NHEJ1: variants seen among roughly 807,000 people sequenced by gnomAD.
NHEJ1 encodes the protein non-homologous end joining factor 1.
Under a neutral mutation model 39.4 loss-of-function variants are expected in NHEJ1, and 22 were observed. That is an observed-to-expected ratio of 0.56 (90% CI 0.40 to 0.80). The LOEUF (loss-of-function observed/expected upper bound fraction) is 0.80. Among genes scored for constraint, NHEJ1 ranks in the 30% least tolerant of loss-of-function variants. The pLI, the probability that NHEJ1 is intolerant of heterozygous loss-of-function variation, is 0.00. For missense variants in NHEJ1, 329 were observed against 357.1 expected, an observed-to-expected ratio of 0.92 and a Z score of 0.63; for synonymous variants, 154 against 135.6, an observed-to-expected ratio of 1.14 and a Z score of -0.94.
rs1261240527 is a variant in NHEJ1, at chr2:219,071,519, G to C, written c.*4862C>G. ...GAGCTGGGATGGGCTTCCCCTTCCA[G>C]CTGCCAATATGAAAAAGTAAATACA... On this transcript the variant is annotated 3_prime_UTR_variant, in exon 8 of 8. Transcript: ENST00000356853. 6.6e-6 allele frequency among the ~76,000 whole-genome samples: 1 copy of C among 152,174 alleles called. No homozygotes were observed. Among genetic ancestry groups the C allele is most frequent in the Non-Finnish European group, 1.5e-5 (1 of 68,024 alleles).
At chr2:219,091,834 TGAAGTATGTGTGTATATAA>T (rs1199946278) in intron 5 of NHEJ1, among the ~76,000 whole-genome samples, 1 of 44,252 alleles carries the variant, frequency 2.3e-5, no homozygotes, top group Non-Finnish European at 5.7e-5. Context: ...TGTGTATATA[TGAAGTATGTGTGTATATAA>T]AATTAATGAA....
chr2:219,114,962 A>C (rs1403537791), intron 5 of NHEJ1, among the ~76,000 whole-genome samples: 1 of 151,752 alleles, frequency 6.6e-6, no homozygotes. Context: ...AACACACAAA[A>C]CTCCTTTGAC....
At chr2:219,120,022 C>T (rs141408454) in intron 5 of NHEJ1, among the ~76,000 whole-genome samples, 4 of 152,126 alleles carry the variant, frequency 2.6e-5, no homozygotes, top group Admixed American at 6.5e-5. Context: ...CACAGAAATT[C>T]GAATTTAGCA....
intron 5 of NHEJ1, among the ~76,000 whole-genome samples, chr2:219,081,283 G>T (rs1014250177): frequency 6.6e-6 from 1 of 152,126 alleles, no homozygotes; most frequent in Non-Finnish European, 1.5e-5. Context: ...TAGCTCCTGG[G>T]GCAGGACAAT....
intron 5 of NHEJ1, 141 bp from the exon 6 acceptor site, chr2:219,078,347 G>A: frequency 2.7e-6 from 2 of 739,952 alleles, no homozygotes; most frequent in Non-Finnish European, 2.4e-6. Flanking sequence ...CCATATCCAA[G>A]CCTGGTGGCA....
intron 1 of NHEJ1, chr2:219,159,021 G>C (rs776164804): frequency 6.5e-6 from 1 of 153,086 alleles, no homozygotes; most frequent in Non-Finnish European, 1.5e-5. Context: ...CTCAGGGATC[G>C]ATGACACAAA....
chr2:219,102,800 T>C (rs1454028626), intron 5 of NHEJ1: 1 of 151,486 alleles, frequency 6.6e-6, no homozygotes, highest in African/African-American at 2.4e-5. Flanking sequence ...GGTCAGGAGT[T>C]CAAGATCAGC....
At chr2:219,087,314 T>C (rs767368182) in intron 5 of NHEJ1, among the ~76,000 whole-genome samples, 6 of 151,406 alleles carry the variant, frequency 4.0e-5, no homozygotes, top group African/African-American at 7.3e-5. Context: ...ATAAGGCAGA[T>C]AGTCTGGCTC....
At chr2:219,095,729 T>G (rs1207910168) in intron 5 of NHEJ1, among the ~76,000 whole-genome samples, 2 of 152,052 alleles carry the variant, frequency 1.3e-5, no homozygotes, top group East Asian at 3.9e-4. Flanking sequence ...ATCAGAGAGC[T>G]AAGGGGCAGG....
At chr2:219,105,185 C>T (rs1005409125) in intron 5 of NHEJ1, among the ~76,000 whole-genome samples, 2 of 152,136 alleles carry the variant, frequency 1.3e-5, no homozygotes, top group Admixed American at 6.5e-5. Context: ...AAAAATAACA[C>T]ACCTCATAAT....
chr2:219,104,003 T>C (rs1247140084), intron 5 of NHEJ1, among the ~76,000 whole-genome samples: 1 of 152,254 alleles, frequency 6.6e-6, no homozygotes, highest in Non-Finnish European at 1.5e-5. Flanking sequence ...AATGTTATGA[T>C]AGTGTTGGGA....
At chr2:219,112,254 T>A (rs1258334684) in intron 5 of NHEJ1, among the ~76,000 whole-genome samples, 1 of 152,178 alleles carries the variant, frequency 6.6e-6, no homozygotes, top group Non-Finnish European at 1.5e-5. Flanking sequence ...TAAACTGACC[T>A]GGTTTGAGTT....
intron 5 of NHEJ1, among the ~76,000 whole-genome samples, chr2:219,128,754 C>T (rs563298719): frequency 6.6e-6 from 1 of 152,292 alleles, no homozygotes; most frequent in Admixed American, 6.5e-5. Flanking sequence ...TGGCCAATGA[C>T]CGGCCAGCCA....
intron 5 of NHEJ1, among the ~76,000 whole-genome samples, chr2:219,117,753 GC>G (rs1949429630): frequency 6.6e-6 from 1 of 152,220 alleles, no homozygotes; most frequent in African/African-American, 2.4e-5. Flanking sequence ...TTATTTATTA[GC>G]TGTGCGACTT....
chr2:219,146,883 G>A, intron 4 of NHEJ1, 145 bp from the exon 5 acceptor site: 1 of 687,962 alleles, frequency 1.5e-6, no homozygotes. Context: ...GGAGAAGAAG[G>A]GCTGAGAGCA....
chr2:219,135,363 T>C (rs201195029), intron 5 of NHEJ1, among the ~76,000 whole-genome samples: 1 of 152,084 alleles, frequency 6.6e-6, no homozygotes. Flanking sequence ...TCCCAGCACT[T>C]TGGGAGGCCG....
chr2:219,145,739 C>A (rs941113966), intron 5 of NHEJ1, among the ~76,000 whole-genome samples: 45 of 152,116 alleles, frequency 3.0e-4, no homozygotes, highest in African/African-American at 9.6e-4. Flanking sequence ...TCCAGACCAG[C>A]CTGACCAACA....
At chr2:219,121,794 C>T (rs1266675095) in intron 5 of NHEJ1, among the ~76,000 whole-genome samples, 2 of 151,776 alleles carry the variant, frequency 1.3e-5, no homozygotes, top group East Asian at 1.9e-4. Flanking sequence ...CCACCACACT[C>T]CAGCCTGGGC....
intron 5 of NHEJ1, among the ~76,000 whole-genome samples, chr2:219,142,088 C>A (rs930965867): frequency 6.6e-6 from 1 of 152,176 alleles, no homozygotes; most frequent in Admixed American, 6.5e-5. Context: ...ACCATGGCTG[C>A]ACTTAGGATG....
Sources: allele counts gnomAD v4.1 joint callset (sites outside exome capture counted in the v4.1 genomes callset), GRCh38; gene constraint gnomAD v4.1.1; transcripts MANE v1.5; gene names NCBI Gene and HGNC (gene_info 2026-07-23, HGNC 2026-07-21).